ERC2: variants seen among roughly 807,000 people sequenced by gnomAD.
ERC2 encodes the protein ELKS/RAB6-interacting/CAST family member 2.
ERC2 carries 42 observed loss-of-function variants against 114.8 expected under a neutral mutation model. That is an observed-to-expected ratio of 0.37 (90% CI 0.29 to 0.47). The LOEUF (loss-of-function observed/expected upper bound fraction) is 0.47, where lower values mean the gene tolerates loss of function less well. ERC2 is among the 20% of genes least tolerant of loss of function. The pLI is 0.99. For synonymous variants in ERC2, 454 were observed against 425.5 expected, an observed-to-expected ratio of 1.07 and a Z score of -0.82; for missense variants, 939 against 1,150.7, an observed-to-expected ratio of 0.82 and a Z score of 2.66.
At chr3:55,800,442 G>A (rs577859403) in intron 14 of ERC2, among the ~76,000 whole-genome samples, 5 of 152,064 alleles carry the variant, frequency 3.3e-5, no homozygotes, top group South Asian at 4.2e-4. Context: ...GCGCCTAGCC[G>A]GAAGTTATGT....
chr3:55,952,179 A>AAT (rs2067608452), intron 12 of ERC2, among the ~76,000 whole-genome samples: 1 of 62,098 alleles, frequency 1.6e-5, no homozygotes. Context: ...ACACACACAC[A>AAT]CTCTCTCTCT....
At chr3:55,784,568 C>T (rs1279516193) in intron 14 of ERC2, among the ~76,000 whole-genome samples, 1 of 152,260 alleles carries the variant, frequency 6.6e-6, no homozygotes, top group African/African-American at 2.4e-5. Flanking sequence ...CATGGTTTGG[C>T]CAGTGTTTTG....
chr3:55,903,075 GA>G (rs1453199664), intron 13 of ERC2, among the ~76,000 whole-genome samples: 1 of 152,208 alleles, frequency 6.6e-6, no homozygotes, highest in African/African-American at 2.4e-5. Context: ...CAACTGGGAT[GA>G]AAAGCTATCT....
At chr3:55,739,467 T>C (rs1466047396) in intron 14 of ERC2, among the ~76,000 whole-genome samples, 1 of 152,218 alleles carries the variant, frequency 6.6e-6, no homozygotes, top group African/African-American at 2.4e-5. Context: ...TGGTGTGAGA[T>C]AGTACGTCAT....
intron 12 of ERC2, among the ~76,000 whole-genome samples, chr3:55,973,646 A>T (rs2069348746): frequency 6.6e-6 from 1 of 152,218 alleles, no homozygotes; most frequent in African/African-American, 2.4e-5. Context: ...TCATATGCCC[A>T]TTGCAAATCA....
At chr3:56,263,316 G>T (rs560412611) in intron 3 of ERC2, among the ~76,000 whole-genome samples, 4 of 149,538 alleles carry the variant, frequency 2.7e-5, no homozygotes, top group South Asian at 4.2e-4. Flanking sequence ...GTTTCTGGAA[G>T]AGCTTAGCAG....
intron 17 of ERC2, among the ~76,000 whole-genome samples, chr3:55,561,691 T>G (rs1348808297): frequency 1.3e-5 from 2 of 152,162 alleles, no homozygotes; most frequent in Non-Finnish European, 2.9e-5. Flanking sequence ...TCTTGCCCTG[T>G]ATCCATCCTC....
chr3:55,710,537 TC>T (rs1173158585), intron 15 of ERC2, among the ~76,000 whole-genome samples: 1 of 151,936 alleles, frequency 6.6e-6, no homozygotes, highest in Non-Finnish European at 1.5e-5. Context: ...TGGGTACATT[TC>T]AAAAAACACT....
At chr3:55,798,095 T>C (rs902656818) in intron 14 of ERC2, among the ~76,000 whole-genome samples, 1 of 152,018 alleles carries the variant, frequency 6.6e-6, no homozygotes, top group Non-Finnish European at 1.5e-5. Context: ...AAGGAAAGTC[T>C]AGCACATTCA....
chr3:56,290,429 T>C (rs188043192), intron 3 of ERC2, among the ~76,000 whole-genome samples: 279 of 152,366 alleles, frequency 1.8e-3, no homozygotes, highest in Middle Eastern at 0.01. Flanking sequence ...AGTTCTGTAA[T>C]ATGTATAGGA....
chr3:56,276,153 T>A (rs1399094156), intron 3 of ERC2, among the ~76,000 whole-genome samples: 1 of 152,190 alleles, frequency 6.6e-6, no homozygotes, highest in Non-Finnish European at 1.5e-5. Context: ...AAATATTCTG[T>A]CATTGTGCTG....
At chr3:56,137,767 A>G (rs550337210) in intron 6 of ERC2, among the ~76,000 whole-genome samples, 146 of 152,374 alleles carry the variant, frequency 9.6e-4, no homozygotes, top group African/African-American at 3.3e-3. Context: ...GCTGTCTAAT[A>G]CAGCAGCCAC....
intron 12 of ERC2, among the ~76,000 whole-genome samples, chr3:55,952,176 C>CAT (rs2067603267): frequency 2.2e-5 from 1 of 44,948 alleles, no homozygotes; most frequent in South Asian, 7.4e-4. Flanking sequence ...CACACACACA[C>CAT]ACACTCTCTC....
intron 2 of ERC2, among the ~76,000 whole-genome samples, chr3:56,423,706 G>C (rs913533728): frequency 2.0e-5 from 3 of 152,208 alleles, no homozygotes; most frequent in African/African-American, 7.2e-5. Flanking sequence ...AGAAGAAATT[G>C]CACGTGCCAG....
At chr3:55,562,636 GT>G (rs1430141111) in intron 17 of ERC2, among the ~76,000 whole-genome samples, 1 of 151,990 alleles carries the variant, frequency 6.6e-6, no homozygotes, top group Non-Finnish European at 1.5e-5. Context: ...TGGCCTGAGG[GT>G]TTGTGCAACA....
At chr3:56,242,195 T>C (rs576465337) in intron 3 of ERC2, among the ~76,000 whole-genome samples, 104 of 149,306 alleles carry the variant, frequency 7.0e-4, no homozygotes, top group African/African-American at 2.6e-3. Context: ...AGGCCATTTT[T>C]CTAAGTGAAG....
intron 14 of ERC2, among the ~76,000 whole-genome samples, chr3:55,861,299 G>A (rs905052526): frequency 4.6e-5 from 7 of 152,152 alleles, no homozygotes; most frequent in Non-Finnish European, 1.0e-4. Flanking sequence ...CCTTACTACG[G>A]ATCTCATGGA....
chr3:56,205,400 C>T (rs538831301), intron 3 of ERC2, among the ~76,000 whole-genome samples: 1 of 152,232 alleles, frequency 6.6e-6, no homozygotes, highest in African/African-American at 2.4e-5. Flanking sequence ...CAATTTGGGT[C>T]ACTGGAGTGC....
chr3:55,795,179 C>G (rs1185829065), intron 14 of ERC2, among the ~76,000 whole-genome samples: 1 of 152,072 alleles, frequency 6.6e-6, no homozygotes, highest in African/African-American at 2.4e-5. Context: ...ACATTAAATT[C>G]CCAAGCTTGG....
Sources: allele counts gnomAD v4.1 joint callset (sites outside exome capture counted in the v4.1 genomes callset), GRCh38; gene constraint gnomAD v4.1.1; transcripts MANE v1.5; gene names NCBI Gene and HGNC (gene_info 2026-07-23, HGNC 2026-07-21).